Variants in NSRP1 observed in about 807,000 individuals in gnomAD.
The protein encoded by NSRP1 is nuclear speckle splicing regulatory protein 1.
Under a neutral mutation model 54.7 loss-of-function variants are expected in NSRP1, and 24 were observed. That is an observed-to-expected ratio of 0.44 (90% CI 0.32 to 0.62). The LOEUF is 0.62. Ranked by LOEUF, NSRP1 falls within the 20% of genes least tolerant of loss-of-function variation. The pLI is 0.06. For synonymous variants in NSRP1, 210 were observed against 213.8 expected (o/e 0.98, Z 0.15); for missense variants, 596 against 651.2 (o/e 0.92, Z 0.92).
intron 2 of NSRP1, among the ~76,000 whole-genome samples, chr17:30,164,646 A>G (rs1362227852): frequency 6.6e-6 from 1 of 152,094 alleles, no homozygotes; most frequent in Non-Finnish European, 1.5e-5. Context: ...AAAAATAAAA[A>G]AATTAGCTGG....
intron 2 of NSRP1, among the ~76,000 whole-genome samples, chr17:30,159,624 T>C (rs1171456518): frequency 2.0e-5 from 3 of 152,036 alleles, no homozygotes; most frequent in Non-Finnish European, 4.4e-5. Flanking sequence ...GCCTTTATTA[T>C]GTTGAGGTAT....
chr17:30,161,706 A>G (rs1420431092), intron 2 of NSRP1, among the ~76,000 whole-genome samples: 1 of 152,236 alleles, frequency 6.6e-6, no homozygotes, highest in Non-Finnish European at 1.5e-5. Context: ...TGATACATTC[A>G]GATCCTTTTG....
intron 2 of NSRP1, among the ~76,000 whole-genome samples, chr17:30,119,598 G>A (rs2071579006): frequency 6.6e-6 from 1 of 151,442 alleles, no homozygotes; most frequent in Non-Finnish European, 1.5e-5. Context: ...CGCCTCCTGG[G>A]TTCAAGCGTT....
intron 2 of NSRP1, among the ~76,000 whole-genome samples, chr17:30,143,849 A>G (rs2071827853): frequency 6.6e-6 from 1 of 152,168 alleles, no homozygotes; most frequent in Non-Finnish European, 1.5e-5. Context: ...GTTTGCAACT[A>G]AGTATAAAAG....
chr17:30,185,901 A>G lies in NSRP1; in HGVS notation c.*227A>G. On this transcript the variant is annotated 3_prime_UTR_variant, in exon 7 of 7. Coordinates refer to ENST00000247026, the MANE Select transcript of NSRP1 (RefSeq NM_032141.4). ...TCATCAATACCACATTCTTTGTTGT[A>G]TTCAAGAACCGTTAAGAGTGTGCTA... 1 of 352,916 alleles carries G rather than the reference A, an allele frequency of 2.8e-6. No individual in the cohort carries two copies. The highest frequency in any genetic ancestry group is 4.6e-5 in the East Asian group (1 of 21,974). 21.9% of individuals were successfully genotyped at this position (352,916 alleles called of 1,614,324 possible). A position where few individuals can be genotyped will look rare whatever the true frequency, so the allele number is the denominator to read the frequency against.
At chr17:30,128,698 G>A (rs1261760090) in intron 2 of NSRP1, among the ~76,000 whole-genome samples, 1 of 151,982 alleles carries the variant, frequency 6.6e-6, no homozygotes, top group Non-Finnish European at 1.5e-5. Context: ...TTTATCTTGG[G>A]TCTCTTTATG....
At chr17:30,132,254 A>G (rs1013031093) in intron 2 of NSRP1, among the ~76,000 whole-genome samples, 2 of 148,018 alleles carry the variant, frequency 1.4e-5, no homozygotes, top group African/African-American at 5.0e-5. Flanking sequence ...TCAAAAAAAA[A>G]AAAAAGAAAA....
At chr17:30,180,430 A>T (rs746079221) in intron 5 of NSRP1, among the ~76,000 whole-genome samples, 1 of 152,236 alleles carries the variant, frequency 6.6e-6, no homozygotes, top group Admixed American at 6.5e-5. Flanking sequence ...TTGTAGGATT[A>T]CAGGCGTGAG....
At chr17:30,176,005 C>T (rs991881319) in intron 3 of NSRP1, among the ~76,000 whole-genome samples, 2 of 151,170 alleles carry the variant, frequency 1.3e-5, no homozygotes, top group Admixed American at 6.6e-5. Context: ...TCCGAACCCC[C>T]CCCCCAAAAA....
intron 3 of NSRP1, among the ~76,000 whole-genome samples, chr17:30,176,985 A>G (rs1455968476): frequency 6.6e-6 from 1 of 152,150 alleles, no homozygotes; most frequent in African/African-American, 2.4e-5. Flanking sequence ...TAGCCAATCT[A>G]GCAATTGAGG....
chr17:30,118,780 G>C (rs1302077489), intron 2 of NSRP1, among the ~76,000 whole-genome samples: 2 of 135,408 alleles, frequency 1.5e-5, no homozygotes, highest in African/African-American at 2.8e-5. Context: ...ACAGTGTCTT[G>C]CTCAGTTGCC....
At chr17:30,147,699 G>A (rs1046121139) in intron 2 of NSRP1, among the ~76,000 whole-genome samples, 6 of 151,896 alleles carry the variant, frequency 4.0e-5, no homozygotes, top group East Asian at 1.9e-4. Flanking sequence ...TCCTGATGTC[G>A]TGATCTGCCC....
At chr17:30,177,417 G>A (rs1049390833) in intron 3 of NSRP1, among the ~76,000 whole-genome samples, 1 of 151,828 alleles carries the variant, frequency 6.6e-6, no homozygotes, top group African/African-American at 2.4e-5. Context: ...AGAATAGAAT[G>A]TTCCTCAGAG....
At position 30,172,522 on chromosome 17, in the gene NSRP1, A is replaced by G. The variant is rs144097367; in HGVS notation, c.115-20A>G. 4.1e-5 allele frequency: 65 copies of G among 1,585,570 alleles called. 1 individual carries two copies. The African/African-American group carries it at 7.1e-4, about 17-fold the overall frequency. On this transcript the variant is annotated intron_variant, in intron 2 of 6. Transcript: ENST00000247026. ...ATTTTAAATTTGTTTAAAAAGTGAC[A>G]ATATATTTCTGTTTTACAGACCTCT... is the stretch of plus-strand genomic sequence containing the variant.
intron 2 of NSRP1, among the ~76,000 whole-genome samples, chr17:30,133,837 A>G (rs1056573486): frequency 2.6e-5 from 4 of 152,248 alleles, no homozygotes; most frequent in Non-Finnish European, 4.4e-5. Flanking sequence ...CCATATCAGC[A>G]ATAAGGCTGT....
rs1040214036 is a variant in NSRP1 at position 30,116,894 on chromosome 17, G to A, written c.20+31G>A. On this transcript the variant is annotated intron_variant, in intron 1 of 6. Transcript: ENST00000247026. ...TGATCCGGGAGTTAGGGTCAGGCTG[G>A]GGGATGAGAAACTACGGCGACTGTA... is the stretch of plus-strand genomic sequence containing the variant. The A allele has an allele frequency of 2.6e-6, 4 of 1,564,866 alleles. No homozygotes were observed. The African/African-American group carries it at 5.4e-5, about 21-fold the overall frequency.
At chr17:30,173,439 T>G (rs566953321) in intron 3 of NSRP1, among the ~76,000 whole-genome samples, 21 of 152,330 alleles carry the variant, frequency 1.4e-4, no homozygotes, top group African/African-American at 4.8e-4. Context: ...TTTACTAATT[T>G]TTCTGCTATT....
At chr17:30,154,905 G>T (rs2071947331) in intron 2 of NSRP1, among the ~76,000 whole-genome samples, 1 of 152,118 alleles carries the variant, frequency 6.6e-6, no homozygotes, top group Non-Finnish European at 1.5e-5. Flanking sequence ...GGGATTGTTG[G>T]ATTAGGGATA....
At chr17:30,117,375 A>G in intron 1 of NSRP1, 1 of 514,080 alleles carries the variant, frequency 1.9e-6, no homozygotes, top group Non-Finnish European at 3.4e-6. Context: ...CGCAAAAGAG[A>G]CAAATACTGT....
Sources: gnomAD v4.1 joint callset for allele counts (sites outside exome capture counted in the v4.1 genomes callset) on GRCh38, gnomAD v4.1.1 for gene constraint, MANE v1.5 for transcripts, NCBI Gene and HGNC (gene_info 2026-07-23, HGNC 2026-07-21) for gene names.